Variants in SEMA3D observed in about 807,000 individuals in gnomAD.
The protein encoded by SEMA3D is semaphorin-3D.
Under a neutral mutation model 100.1 loss-of-function variants are expected in SEMA3D, and 84 were observed. The observed-to-expected ratio is 0.84, with a 90% CI of 0.70 to 1.01. The LOEUF (loss-of-function observed/expected upper bound fraction) is 1.01. Ranked by LOEUF, SEMA3D falls within the 50% of genes least tolerant of loss-of-function variation. SEMA3D has a pLI of 0.00. For missense variants in SEMA3D, 875 were observed against 934.1 expected, an observed-to-expected ratio of 0.94 and a Z score of 0.82; for synonymous variants, 312 against 320.7, an observed-to-expected ratio of 0.97 and a Z score of 0.29.
chr7:85,056,950 T>G (rs1373448770), intron 8 of SEMA3D, among the ~76,000 whole-genome samples: 1 of 149,408 alleles, frequency 6.7e-6, no homozygotes, highest in Non-Finnish European at 1.5e-5. Flanking sequence ...GCTGGTTATA[T>G]AATAAGTATT....
the SEMA3D span, among the ~76,000 whole-genome samples, chr7:85,199,874 T>A: frequency 6.6e-6 from 1 of 152,286 alleles, no homozygotes; most frequent in South Asian, 2.1e-4. Context: ...TGGGAGGTGT[T>A]TGAATTATGG....
intron 2 of SEMA3D, chr7:85,141,682 G>C (rs186426193): frequency 1.0e-6 from 1 of 974,986 alleles, no homozygotes; most frequent in African/African-American, 1.8e-5. Context: ...GGGCTGAATA[G>C]TACCAGTTTA....
chr7:85,116,516 T>A (rs2116385414), intron 3 of SEMA3D, among the ~76,000 whole-genome samples: 1 of 150,920 alleles, frequency 6.6e-6, no homozygotes, highest in South Asian at 2.1e-4. Flanking sequence ...TATGCATGTA[T>A]GTATTCTGGA....
intron 1 of SEMA3D, among the ~76,000 whole-genome samples, chr7:85,161,753 G>C (rs1229203410): frequency 6.6e-6 from 1 of 152,114 alleles, no homozygotes; most frequent in Non-Finnish European, 1.5e-5. Flanking sequence ...GGAAGAAACT[G>C]AACTACCCAC....
intron 3 of SEMA3D, among the ~76,000 whole-genome samples, chr7:85,103,607 C>A (rs1360936927): frequency 6.6e-6 from 1 of 151,970 alleles, no homozygotes; most frequent in Non-Finnish European, 1.5e-5. Flanking sequence ...CTCCCTAAAC[C>A]TTTGACCTAA....
At chr7:85,176,756 A>ATG (rs576728141) in intron 1 of SEMA3D, among the ~76,000 whole-genome samples, 43 of 147,024 alleles carry the variant, frequency 2.9e-4, no homozygotes, top group Non-Finnish European at 4.3e-4. Context: ...ACATGTATAT[A>ATG]TGTGTGTGTG....
chr7:85,015,251 T>A (rs1790066370), intron 15 of SEMA3D, 35 bp from the exon 16 acceptor site: 8 of 1,589,480 alleles, frequency 5.0e-6, no homozygotes, highest in Non-Finnish European at 6.9e-6. Context: ...ATTAGAAGCA[T>A]CTTTCAGACT....
At chr7:85,032,108 G>T (rs979317681) in intron 12 of SEMA3D, among the ~76,000 whole-genome samples, 5 of 151,814 alleles carry the variant, frequency 3.3e-5, no homozygotes, top group Admixed American at 2.0e-4. Context: ...TAATTATTCT[G>T]GGTATTCATT....
rs76836996 is a variant in SEMA3D, at chr7:85,036,684, T to C, written c.1191+205A>G. ...CATTGTCCCCGTGGTTAGATACTTA[T>C]GACATAGTCCATTGTTTCTCAAAGT... On this transcript the variant is annotated intron_variant, in intron 12 of 18. Transcript: ENST00000284136. 1.7e-3 allele frequency among the ~76,000 whole-genome samples: 252 copies of C among 152,264 alleles called. 1 individual carries two copies. The highest frequency in any genetic ancestry group is 5.9e-3 in the African/African-American group (244 of 41,574).
chr7:85,243,824 C>T, the SEMA3D span, among the ~76,000 whole-genome samples: 5 of 152,124 alleles, frequency 3.3e-5, no homozygotes, highest in East Asian at 9.6e-4. Flanking sequence ...TTAACATTTT[C>T]CTATTGAAGA....
chr7:85,192,346 A>G, the SEMA3D span, among the ~76,000 whole-genome samples: 1 of 151,938 alleles, frequency 6.6e-6, no homozygotes. Context: ...GTTCAACTCT[A>G]TAATAATAAC....
intron 4 of SEMA3D, among the ~76,000 whole-genome samples, chr7:85,093,478 A>G (rs1788460273): frequency 6.6e-6 from 1 of 152,026 alleles, no homozygotes; most frequent in Non-Finnish European, 1.5e-5. Context: ...GCCAATCCCA[A>G]GAGTGGCCGA....
chr7:85,215,182 AGACT>A, the SEMA3D span, among the ~76,000 whole-genome samples: 2 of 151,274 alleles, frequency 1.3e-5, no homozygotes, highest in Admixed American at 6.6e-5. Flanking sequence ...TGGACTGTGA[AGACT>A]GACTAATCTC....
chr7:85,120,565 G>A (rs990881396), intron 3 of SEMA3D, among the ~76,000 whole-genome samples: 1 of 151,574 alleles, frequency 6.6e-6, no homozygotes, highest in Non-Finnish European at 1.5e-5. Context: ...CTACTCAGGA[G>A]GCTGAGGTGG....
chr7:85,121,967 A>AT (rs1789431601), intron 2 of SEMA3D, 36 bp from the exon 3 acceptor site: 1 of 1,074,570 alleles, frequency 9.3e-7, no homozygotes, highest in Non-Finnish European at 1.3e-6. Flanking sequence ...CTATTAAGGT[A>AT]TCAGCAAACT....
At chr7:85,195,846 T>A in the SEMA3D span, among the ~76,000 whole-genome samples, 1 of 152,196 alleles carries the variant, frequency 6.6e-6, no homozygotes, top group Non-Finnish European at 1.5e-5. Context: ...GCTAGGCATT[T>A]AAAAAAGTCT....
the SEMA3D span, among the ~76,000 whole-genome samples, chr7:85,229,363 A>T: frequency 1.3e-5 from 2 of 151,978 alleles, no homozygotes; most frequent in South Asian, 2.1e-4. Context: ...CTATTTTTTT[A>T]AAAATACCCT....
At chr7:85,150,149 T>C (rs556739251) in intron 2 of SEMA3D, among the ~76,000 whole-genome samples, 2 of 151,846 alleles carry the variant, frequency 1.3e-5, no homozygotes, top group African/African-American at 4.8e-5. Context: ...ATTTAAAACA[T>C]GTAAAACTTT....
At chr7:85,218,692 T>C in the SEMA3D span, among the ~76,000 whole-genome samples, 2 of 152,254 alleles carry the variant, frequency 1.3e-5, no homozygotes, top group African/African-American at 4.8e-5. Flanking sequence ...AATTAATACA[T>C]ACAAATTGTA....
Sources: gnomAD v4.1 joint callset for allele counts (sites outside exome capture counted in the v4.1 genomes callset) on GRCh38, gnomAD v4.1.1 for gene constraint, MANE v1.5 for transcripts, NCBI Gene and HGNC (gene_info 2026-07-23, HGNC 2026-07-21) for gene names.